GFOD1: variants seen among roughly 807,000 people sequenced by gnomAD.
The protein encoded by GFOD1 is glucose-fructose oxidoreductase domain-containing protein 1.
A neutral mutation model predicts 25.4 loss-of-function variants in GFOD1; 9 were observed. The observed-to-expected ratio is 0.35, with a 90% CI of 0.21 to 0.62. The LOEUF (loss-of-function observed/expected upper bound fraction) is 0.62. Ranked by LOEUF, GFOD1 falls within the 20% of genes least tolerant of loss-of-function variation. The probability of loss-of-function intolerance (pLI) is 0.72; values close to 1 mark genes in which losing one functional copy is unlikely to be tolerated. For synonymous variants in GFOD1, 253 were observed against 245.6 expected, an observed-to-expected ratio of 1.03 and a Z score of -0.28; for missense variants, 403 against 556.9, an observed-to-expected ratio of 0.72 and a Z score of 2.78.
intron 1 of GFOD1, among the ~76,000 whole-genome samples, chr6:13,479,604 C>T (rs2127579298): frequency 6.6e-6 from 1 of 152,276 alleles, no homozygotes; most frequent in East Asian, 1.9e-4. Context: ...CTCTTCTTCC[C>T]CAGTTTAAGG....
At chr6:13,447,564 C>T (rs1758022606) in intron 1 of GFOD1, among the ~76,000 whole-genome samples, 1 of 150,970 alleles carries the variant, frequency 6.6e-6, no homozygotes, top group African/African-American at 2.4e-5. Context: ...ATGGTGAAAC[C>T]CCATCTCTAC....
intron 1 of GFOD1, among the ~76,000 whole-genome samples, chr6:13,390,206 A>G (rs972349806): frequency 2.0e-5 from 3 of 152,226 alleles, no homozygotes; most frequent in Non-Finnish European, 4.4e-5. Context: ...CCTGTGGAAT[A>G]TTGAGGTCCC....
In GFOD1 at chr6:13,366,664, C is replaced by T. The variant is rs553560087; in HGVS notation, c.254-1002G>A. Among the ~76,000 whole-genome samples the T allele has an allele frequency of 1.1e-4, 17 of 151,800 alleles. 2 individuals are homozygous for T. The highest frequency in any genetic ancestry group is 4.1e-4 in the African/African-American group (17 of 41,414). ...TTTTTTTTAAAAGAGATGGGGTCTC[C>T]AATTTTTTTTTAAGAGACAGGGGTC... On this transcript the variant is annotated intron_variant, in intron 1 of 1. Coordinates refer to ENST00000379287, the MANE Select transcript of GFOD1 (RefSeq NM_018988.4).
intron 1 of GFOD1, among the ~76,000 whole-genome samples, chr6:13,391,300 C>G (rs528132775): frequency 1.3e-5 from 2 of 151,966 alleles, no homozygotes; most frequent in Non-Finnish European, 2.9e-5. Context: ...CCATTTGAAA[C>G]CAGCCTGGCC....
intron 1 of GFOD1, among the ~76,000 whole-genome samples, chr6:13,467,926 A>AT (rs1240401321): frequency 6.6e-6 from 1 of 152,162 alleles, no homozygotes; most frequent in African/African-American, 2.4e-5. Context: ...GGCTAAACTC[A>AT]TTTTTGCCCT....
rs571287840 is a variant in GFOD1, at chr6:13,424,956, C to CTTTTTT, written c.254-59300_254-59295dup. On this transcript the variant is annotated intron_variant, in intron 1 of 1. Coordinates refer to ENST00000379287, the MANE Select transcript of GFOD1 (RefSeq NM_018988.4). ...TTTATATATATTAACACATTTAATT[C>CTTTTTT]TTTTTTTTTTTTTTTTTTTTGAGAT... Among the ~76,000 whole-genome samples the CTTTTTT allele has an allele frequency of 4.0e-4, 50 of 123,868 alleles. 1 individual carries two copies. The highest frequency in any genetic ancestry group is 7.6e-4 in the African/African-American group (24 of 31,538). The allele number at this position is 123,868 out of a possible 152,430, so 81.3% of individuals were successfully genotyped here.
intron 1 of GFOD1, among the ~76,000 whole-genome samples, chr6:13,481,032 G>A (rs1758739492): frequency 6.6e-6 from 1 of 152,118 alleles, no homozygotes; most frequent in Non-Finnish European, 1.5e-5. Flanking sequence ...GGGAGATAAG[G>A]GTACCCTGGT....
chr6:13,468,048 T>C (rs1758407662), intron 1 of GFOD1, among the ~76,000 whole-genome samples: 1 of 152,224 alleles, frequency 6.6e-6, no homozygotes, highest in South Asian at 2.1e-4. Flanking sequence ...TCTTATTGTC[T>C]CTTTCTTTTG....
intron 1 of GFOD1, among the ~76,000 whole-genome samples, chr6:13,393,938 C>G (rs1785674175): frequency 6.6e-6 from 1 of 151,896 alleles, no homozygotes; most frequent in Admixed American, 6.6e-5. Flanking sequence ...ACCACCACGC[C>G]CGGCTAATTT....
intron 1 of GFOD1, 54 bp downstream of exon 1, chr6:13,486,584 G>A: frequency 2.8e-6 from 4 of 1,429,482 alleles, no homozygotes; most frequent in Non-Finnish European, 3.9e-6. Context: ...AAGGAACCTA[G>A]AGAAGGTTAA....
chr6:13,364,895 G>A lies in GFOD1; in HGVS notation c.1021C>T (p.Leu341=). ...LTMAATFDDC[L]YALCVVDTIK... ...GTGTCCACCACGCACAAGGCATACA[G>A]GCAGTCGTCGAAGGTGGCGGCCATG... Residue 341 remains leucine, a synonymous_variant, in exon 2 of 2, where the codon CTG becomes TTG. Transcript: ENST00000379287. This position sits in a 1 kb window ranked among gnomAD's most constrained non-coding sequence, Gnocchi z 4.1. 1 of 1,613,780 alleles carries A rather than the reference G, an allele frequency of 6.2e-7. No individual in the cohort carries two copies.
chr6:13,405,203 C>T (rs963291240), intron 1 of GFOD1, among the ~76,000 whole-genome samples: 2 of 152,086 alleles, frequency 1.3e-5, no homozygotes, highest in African/African-American at 4.8e-5. Context: ...TTTTCAATAA[C>T]TTAAAAAAAG....
At chr6:13,460,112 A>G (rs920400274) in intron 1 of GFOD1, among the ~76,000 whole-genome samples, 1 of 152,192 alleles carries the variant, frequency 6.6e-6, no homozygotes, top group Admixed American at 6.5e-5. Context: ...CCAGCTTGGG[A>G]GACAATGTGA....
rs138698893 is a variant in GFOD1 at position 13,407,883 on chromosome 6, C to G, written c.254-42221G>C. On this transcript the variant is annotated intron_variant, in intron 1 of 1. Transcript: ENST00000379287. ...GATGAAATAAATAGGGTGACTCCAT[C>G]TCAACCACCCTCCTCCCTGTACTCA... The G allele has an allele frequency of 2.4e-4, 187 of 769,948 alleles. 1 individual carries two copies. The African/African-American group carries it at 3.3e-3, about 14-fold the overall frequency. 47.7% of individuals were successfully genotyped at this position (769,948 alleles called of 1,614,324 possible).
chr6:13,435,125 C>T (rs758939651), intron 1 of GFOD1, among the ~76,000 whole-genome samples: 24 of 152,170 alleles, frequency 1.6e-4, no homozygotes, highest in Non-Finnish European at 3.1e-4. Context: ...CCTTGAGCTA[C>T]AACTGCCGTC....
At chr6:13,486,535 G>T in intron 1 of GFOD1, 103 bp downstream of exon 1, 3 of 963,232 alleles carry the variant, frequency 3.1e-6, no homozygotes, top group Middle Eastern at 2.9e-4. Flanking sequence ...GTAGATGCAG[G>T]GTAAGCTTCT....
intron 1 of GFOD1, among the ~76,000 whole-genome samples, chr6:13,390,785 AAGGAAGGAAGG>A (rs1562202763): frequency 1.8e-4 from 21 of 117,692 alleles, no homozygotes; most frequent in East Asian, 4.7e-4. Context: ...GAGAGAAAGG[AAGGAAGGAAGG>A]AAGGAAGGAA....
chr6:13,407,993 G>A (rs1028757926), intron 1 of GFOD1: 1 of 985,272 alleles, frequency 1.0e-6, no homozygotes, highest in Admixed American at 6.1e-5. Context: ...CCCAAAGGTG[G>A]GAGCACTTGG....
intron 1 of GFOD1, among the ~76,000 whole-genome samples, chr6:13,381,401 C>A: frequency 6.6e-6 from 1 of 152,158 alleles, no homozygotes; most frequent in East Asian, 1.9e-4. Flanking sequence ...TTCTCTTCCA[C>A]CTAATACAGT....
Sources: gnomAD v4.1 joint callset for allele counts (sites outside exome capture counted in the v4.1 genomes callset) on GRCh38, gnomAD v4.1.1 for gene constraint, Gnocchi (gnomAD v3.1) non-coding constraint, MANE v1.5 for transcripts, NCBI Gene and HGNC (gene_info 2026-07-23, HGNC 2026-07-21) for gene names.